The following FSTL4 variants were observed in gnomAD, a reference collection of about 807,000 sequenced individuals.
FSTL4 encodes the protein follistatin like 4, also known as follistatin-related protein 4.
FSTL4 carries 28 observed loss-of-function variants against 78.2 expected under a neutral mutation model. The observed-to-expected ratio is 0.36, with a 90% CI of 0.27 to 0.49. The LOEUF (loss-of-function observed/expected upper bound fraction) is 0.49. Ranked by LOEUF, FSTL4 falls within the 20% of genes least tolerant of loss-of-function variation. The pLI is 0.98. For missense variants in FSTL4, 922 were observed against 1,084.9 expected (o/e 0.85, Z 2.11); for synonymous variants, 422 against 440.5 (o/e 0.96, Z 0.53).
intron 4 of FSTL4, among the ~76,000 whole-genome samples, chr5:133,341,195 T>G (rs1248956311): frequency 6.6e-6 from 1 of 150,432 alleles, no homozygotes; most frequent in African/African-American, 2.5e-5. Context: ...CTTTACTAGT[T>G]AACGTGAATA....
the FSTL4 span, among the ~76,000 whole-genome samples, chr5:133,677,310 C>G: frequency 1.3e-5 from 2 of 152,184 alleles, no homozygotes; most frequent in East Asian, 1.9e-4. Context: ...GGTCATTTAG[C>G]TGGATTCCAT....
rs544671584 is a variant in FSTL4, at chr5:133,610,094, T to C, written c.-11+2231A>G. Among the ~76,000 whole-genome samples, 6 of 152,284 alleles carry C rather than the reference T, an allele frequency of 3.9e-5. No homozygotes were observed. In the South Asian group the frequency reaches 1.0e-3, roughly 26 times the overall value. On this transcript the variant is annotated intron_variant, in intron 1 of 15. Coordinates refer to ENST00000265342, the MANE Select transcript of FSTL4 (RefSeq NM_015082.2). Reference sequence around the variant, plus strand: ...TAGTGTTAAGTCAAACAAAAGATCATAACGTGAAGGTCACATTTAAAAAGT... The same window carrying C: ...TAGTGTTAAGTCAAACAAAAGATCACAACGTGAAGGTCACATTTAAAAAGT...
At chr5:133,308,624 G>A (rs374067603) in intron 6 of FSTL4, among the ~76,000 whole-genome samples, 149 of 152,328 alleles carry the variant, frequency 9.8e-4, no homozygotes, top group African/African-American at 3.5e-3. Context: ...TGTGGTAAAC[G>A]AAACTGCACC....
At chr5:133,291,018 C>T (rs901727694) in intron 6 of FSTL4, among the ~76,000 whole-genome samples, 5 of 152,272 alleles carry the variant, frequency 3.3e-5, no homozygotes, top group African/African-American at 1.2e-4. Context: ...TCCGACTCCC[C>T]ACCCATCTCC....
chr5:133,271,250 A>C (rs761230540), intron 6 of FSTL4, among the ~76,000 whole-genome samples: 1 of 152,208 alleles, frequency 6.6e-6, no homozygotes, highest in Non-Finnish European at 1.5e-5. Flanking sequence ...TTTATCTGGG[A>C]CTTTTCAGAA....
At chr5:133,513,544 G>T (rs1450287051) in intron 3 of FSTL4, among the ~76,000 whole-genome samples, 1 of 152,192 alleles carries the variant, frequency 6.6e-6, no homozygotes, top group East Asian at 1.9e-4. Context: ...GCATGAAGTG[G>T]ATTCTTCCTA....
At chr5:133,394,279 G>A (rs567010375) in intron 4 of FSTL4, among the ~76,000 whole-genome samples, 52 of 152,352 alleles carry the variant, frequency 3.4e-4, no homozygotes, top group African/African-American at 1.1e-3. Context: ...TCAGCCCGCC[G>A]CTGCACTGTG....
chr5:133,836,596 C>T, the FSTL4 span, among the ~76,000 whole-genome samples: 1 of 151,194 alleles, frequency 6.6e-6, no homozygotes, highest in Admixed American at 6.6e-5. Context: ...CCTCAATTTC[C>T]ATGTTTCCAT....
At chr5:133,549,923 A>G (rs1759658257) in intron 3 of FSTL4, among the ~76,000 whole-genome samples, 1 of 152,154 alleles carries the variant, frequency 6.6e-6, no homozygotes, top group Non-Finnish European at 1.5e-5. Context: ...TCATCCTTAC[A>G]CTAGAGAGGT....
intron 3 of FSTL4, among the ~76,000 whole-genome samples, chr5:133,501,749 T>C (rs764351035): frequency 2.0e-5 from 3 of 152,164 alleles, no homozygotes; most frequent in Non-Finnish European, 2.9e-5. Context: ...ATGGGTTGAA[T>C]TGGGTCCTTC....
chr5:133,778,079 G>A, the FSTL4 span, among the ~76,000 whole-genome samples: 1 of 152,226 alleles, frequency 6.6e-6, no homozygotes, highest in African/African-American at 2.4e-5. Flanking sequence ...CTCTAGAGGT[G>A]GGGTTTCCCA....
At chr5:133,562,712 G>A (rs1271336682) in intron 3 of FSTL4, among the ~76,000 whole-genome samples, 1 of 152,128 alleles carries the variant, frequency 6.6e-6, no homozygotes, top group Admixed American at 6.5e-5. Context: ...CCCCAAACTC[G>A]CAGCCCCTAA....
At chr5:133,351,001 T>C (rs1169519377) in intron 4 of FSTL4, among the ~76,000 whole-genome samples, 1 of 152,248 alleles carries the variant, frequency 6.6e-6, no homozygotes, top group Non-Finnish European at 1.5e-5. Flanking sequence ...AAGATTTTGT[T>C]ACTAAAGGAG....
chr5:133,325,792 AC>A (rs34418177), intron 4 of FSTL4, among the ~76,000 whole-genome samples: 84,915 of 151,684 alleles, frequency 0.56, 24,498 homozygotes, highest in Non-Finnish European at 0.63. Context: ...TCACCTGAGA[AC>A]CCCCCCAGAG....
In FSTL4 at chr5:133,210,247, C is replaced by T; in HGVS notation, c.1660G>A (p.Asp554Asn). The change falls in exon 14 of 16, where the codon GAC becomes AAC. Residue 554 changes from aspartate (D) to asparagine (N), a missense_variant. Asp to Asn is a conservative substitution (Grantham distance 23). Coordinates refer to ENST00000265342, the MANE Select transcript of FSTL4 (RefSeq NM_015082.2). ...CCCCAGCTCAGGACCCACACTTGGTCATGTGACTTGTCATAGGACAGCTTA... is the reference window on the plus strand; with the variant it reads ...CCCCAGCTCAGGACCCACACTTGGTTATGTGACTTGTCATAGGACAGCTTA... ...PAKLSYDKSH[D>N]QVWVLSWGDV... 1 of 1,613,108 alleles carries T rather than the reference C, an allele frequency of 6.2e-7. No individual in the cohort carries two copies. The highest frequency in any genetic ancestry group is 8.5e-7 in the Non-Finnish European group (1 of 1,179,328).
the FSTL4 span, among the ~76,000 whole-genome samples, chr5:133,787,782 T>C: frequency 6.6e-6 from 1 of 152,146 alleles, no homozygotes; most frequent in East Asian, 1.9e-4. Context: ...CACTCTGCCC[T>C]TCCCACTTAG....
chr5:133,697,870 C>T, the FSTL4 span, among the ~76,000 whole-genome samples: 55 of 152,130 alleles, frequency 3.6e-4, no homozygotes, highest in East Asian at 2.7e-3. Context: ...GGCACGTGCC[C>T]GCTGTACTCC....
chr5:133,835,101 C>G, the FSTL4 span, among the ~76,000 whole-genome samples: 1 of 152,190 alleles, frequency 6.6e-6, no homozygotes, highest in Non-Finnish European at 1.5e-5. Flanking sequence ...GTACCCTCCT[C>G]CTACACACAC....
intron 2 of FSTL4, among the ~76,000 whole-genome samples, chr5:133,574,210 T>C (rs1282694937): frequency 2.0e-5 from 3 of 152,206 alleles, no homozygotes; most frequent in Non-Finnish European, 4.4e-5. Context: ...AATTGAAGAA[T>C]GAGTAAAACA....
Sources: allele counts gnomAD v4.1 joint callset (sites outside exome capture counted in the v4.1 genomes callset), GRCh38; gene constraint gnomAD v4.1.1; transcripts MANE v1.5; gene names NCBI Gene and HGNC (gene_info 2026-07-23, HGNC 2026-07-21).